SCNN1B: variants seen among roughly 807,000 people sequenced by gnomAD.
The protein encoded by SCNN1B is epithelial sodium channel subunit beta.
A neutral mutation model predicts 65.3 loss-of-function variants in SCNN1B; 46 were observed. The observed-to-expected ratio is 0.70, with a 90% CI of 0.56 to 0.90. The LOEUF (loss-of-function observed/expected upper bound fraction) is 0.90. Among genes scored for constraint, SCNN1B ranks in the 40% least tolerant of loss-of-function variants. The pLI is 0.00. For missense variants in SCNN1B, 751 were observed against 830.5 expected, an observed-to-expected ratio of 0.90 and a Z score of 1.18; for synonymous variants, 349 against 330.6, an observed-to-expected ratio of 1.06 and a Z score of -0.60.
At chr16:23,360,201 AAAAT>A (rs781261312) in intron 4 of SCNN1B, among the ~76,000 whole-genome samples, 9 of 132,752 alleles carry the variant, frequency 6.8e-5, no homozygotes, top group Non-Finnish European at 1.5e-4. Context: ...CCATCTCAAA[AAAAT>A]AAATAAATAA....
At chr16:23,319,650 G>A (rs980636446) in intron 1 of SCNN1B, among the ~76,000 whole-genome samples, 1 of 152,196 alleles carries the variant, frequency 6.6e-6, no homozygotes, top group Non-Finnish European at 1.5e-5. Context: ...TGTATGGCAC[G>A]GAAAGCCTAA....
Position 23,296,398 on chromosome 16 carries a change from A to G in SCNN1B, n.178+12594A>G, listed in dbSNP as rs1960997307. On this transcript the variant is annotated intron_variant and non_coding_transcript_variant, in intron 2 of 3. Coordinates refer to the SCNN1B transcript ENST00000569789. ...ACATTGGTTTGAAAATCTAAAATGTACCAGGTTAACAAAAGCTGGATCTCT... is the reference window on the plus strand; with the variant it reads ...ACATTGGTTTGAAAATCTAAAATGTGCCAGGTTAACAAAAGCTGGATCTCT... Among the ~76,000 whole-genome samples, 4 of 152,306 alleles carry G rather than the reference A, an allele frequency of 2.6e-5. No homozygotes were observed. The South Asian group carries it at 8.3e-4, about 32-fold the overall frequency.
rs561688378 is a variant in SCNN1B, at chr16:23,304,633, G to T, written c.-9+2196G>T. Among the ~76,000 whole-genome samples, 120 of 152,312 alleles carry T rather than the reference G, an allele frequency of 7.9e-4. 1 individual carries two copies. Among genetic ancestry groups the T allele is most frequent in the Non-Finnish European group, 1.4e-3 (97 of 68,026 alleles). On this transcript the variant is annotated intron_variant, in intron 1 of 12. Coordinates refer to ENST00000343070, the MANE Select transcript of SCNN1B (RefSeq NM_000336.3). ...GGACTGGCAGATTGGACTGTCCAGGGTCCTGTTTGTGTACCACAAACTGTA... is the reference window on the plus strand; with the variant it reads ...GGACTGGCAGATTGGACTGTCCAGGTTCCTGTTTGTGTACCACAAACTGTA...
chr16:23,279,910 A>G (rs1449789506), intron 1 of SCNN1B, among the ~76,000 whole-genome samples: 2 of 152,142 alleles, frequency 1.3e-5, no homozygotes, highest in African/African-American at 4.8e-5. Flanking sequence ...GTATTCAGTA[A>G]AGATGCATCT....
At chr16:23,369,888 T>C (rs1962747568) in intron 5 of SCNN1B, among the ~76,000 whole-genome samples, 1 of 152,232 alleles carries the variant, frequency 6.6e-6, no homozygotes, top group Non-Finnish European at 1.5e-5. Flanking sequence ...ACAATACTAG[T>C]ACCTCCATCA....
intron 1 of SCNN1B, among the ~76,000 whole-genome samples, chr16:23,342,772 A>ATTTC (rs1272758831): frequency 1.3e-5 from 2 of 152,220 alleles, no homozygotes; most frequent in Non-Finnish European, 2.9e-5. Context: ...AGGATGGAAA[A>ATTTC]GCTTGATTTA....
chr16:23,361,490 A>G (rs1173489537), intron 4 of SCNN1B, among the ~76,000 whole-genome samples: 1 of 152,222 alleles, frequency 6.6e-6, no homozygotes, highest in Non-Finnish European at 1.5e-5. Context: ...TATTATTTGG[A>G]ATTCTTCTGT....
Position 23,348,334 on chromosome 16 carries a change from C to T in SCNN1B, c.-8-258C>T, listed in dbSNP as rs1415740510. Among the ~76,000 whole-genome samples, 2 of 151,968 alleles carry T rather than the reference C, an allele frequency of 1.3e-5. No homozygotes were observed. The highest frequency in any genetic ancestry group is 1.3e-4 in the Admixed American group (2 of 15,248). ...ACCTTGTCCATTTTGCTCATTGAGT[C>T]CAGAAGGACCATTTGAGTGCCTGGC... On this transcript the variant is annotated intron_variant, in intron 1 of 12. Transcript: ENST00000343070. This position sits in a 1 kb window ranked among gnomAD's most constrained non-coding sequence, Gnocchi z 4.5.
At chr16:23,333,318 A>T (rs1327445314) in intron 1 of SCNN1B, among the ~76,000 whole-genome samples, 1 of 152,238 alleles carries the variant, frequency 6.6e-6, no homozygotes, top group Non-Finnish European at 1.5e-5. Flanking sequence ...ACCAGCTGCC[A>T]GCCATTGAGG....
chr16:23,362,544 C>T (rs562744637), intron 4 of SCNN1B, among the ~76,000 whole-genome samples: 7 of 152,300 alleles, frequency 4.6e-5, no homozygotes, highest in Admixed American at 4.6e-4. Context: ...TGGAGGCTCA[C>T]TGGTCTCTGT....
chr16:23,365,587 G>GAGAAAGAAAGAA (rs1555488905), intron 4 of SCNN1B, among the ~76,000 whole-genome samples: 40 of 86,998 alleles, frequency 4.6e-4, no homozygotes, highest in East Asian at 2.5e-3. Context: ...AAGAAAGAAA[G>GAGAAAGAAAGAA]AGAAAGAAAG....
intron 1 of SCNN1B, among the ~76,000 whole-genome samples, chr16:23,323,280 GAGCTGC>G (rs1334889657): frequency 6.6e-6 from 1 of 152,118 alleles, no homozygotes; most frequent in African/African-American, 2.4e-5. Flanking sequence ...GGTGGCACTG[GAGCTGC>G]ACCTAGAAAA....
At chr16:23,282,987 A>G (rs1220265749) in intron 1 of SCNN1B, among the ~76,000 whole-genome samples, 1 of 152,190 alleles carries the variant, frequency 6.6e-6, no homozygotes, top group Non-Finnish European at 1.5e-5. Flanking sequence ...TCTCTCCTGG[A>G]CAAAGCCAAG....
chr16:23,311,364 G>T (rs1961339886), intron 1 of SCNN1B, among the ~76,000 whole-genome samples: 2 of 152,184 alleles, frequency 1.3e-5, no homozygotes, highest in South Asian at 4.1e-4. Flanking sequence ...GTCTTCTGTA[G>T]CCTCTCTCAA....
chr16:23,352,594 G>T (rs149095525), intron 2 of SCNN1B, among the ~76,000 whole-genome samples: 1 of 151,968 alleles, frequency 6.6e-6, no homozygotes, highest in Non-Finnish European at 1.5e-5. Flanking sequence ...TTCACCTTCC[G>T]CCATGATTGT....
At chr16:23,343,439 C>T (rs545358713) in intron 1 of SCNN1B, among the ~76,000 whole-genome samples, 65 of 118,346 alleles carry the variant, frequency 5.5e-4, no homozygotes, top group African/African-American at 2.3e-3. Flanking sequence ...GCAACAAGAG[C>T]AAAAGTTTGC....
chr16:23,314,610 G>A (rs1184514052), intron 1 of SCNN1B, among the ~76,000 whole-genome samples: 1 of 152,130 alleles, frequency 6.6e-6, no homozygotes, highest in East Asian at 1.9e-4. Context: ...AGAGGTGAGT[G>A]TGGAGGAGGA....
chr16:23,313,770 C>T (rs1372808686), intron 1 of SCNN1B, among the ~76,000 whole-genome samples: 1 of 152,174 alleles, frequency 6.6e-6, no homozygotes, highest in Non-Finnish European at 1.5e-5. Flanking sequence ...CGCCACCACG[C>T]CCAGCTAATT....
chr16:23,335,513 G>A (rs1961918558), intron 1 of SCNN1B, among the ~76,000 whole-genome samples: 1 of 149,188 alleles, frequency 6.7e-6, no homozygotes, highest in Non-Finnish European at 1.5e-5. Context: ...CGGAGGGCAG[G>A]CTTGGCTCAC....
Sources: gnomAD v4.1 joint callset for allele counts (sites outside exome capture counted in the v4.1 genomes callset) on GRCh38, gnomAD v4.1.1 for gene constraint, Gnocchi (gnomAD v3.1) non-coding constraint, MANE v1.5 for transcripts, NCBI Gene and HGNC (gene_info 2026-07-23, HGNC 2026-07-21) for gene names.